Variants in ANO1 observed in about 807,000 individuals in gnomAD.
The protein encoded by ANO1 is anoctamin-1.
A neutral mutation model predicts 124.0 loss-of-function variants in ANO1; 59 were observed. That is an observed-to-expected ratio of 0.48 (90% confidence interval 0.39 to 0.59). The LOEUF (loss-of-function observed/expected upper bound fraction) is 0.59. Ranked by LOEUF, ANO1 falls within the 20% of genes least tolerant of loss-of-function variation. The pLI, the probability that ANO1 is intolerant of heterozygous loss-of-function variation, is 0.00. For missense variants in ANO1, 1,059 were observed against 1,328.0 expected (o/e 0.80, Z 3.15); for synonymous variants, 529 against 532.0 (o/e 0.99, Z 0.08).
the ANO1 span, among the ~76,000 whole-genome samples, chr11:69,978,607 T>C: frequency 6.6e-6 from 1 of 152,214 alleles, no homozygotes; most frequent in Admixed American, 6.5e-5. Flanking sequence ...TACCCTGGCC[T>C]CCCAAAGTGC....
At position 70,188,194 on chromosome 11, in the gene ANO1, C is replaced by T; in HGVS notation, c.*190C>T. Reference sequence around the variant, plus strand: ...TTCTTTCCCTTGTTTTTGCACAAAGCCATTATGCAGGGAATATTTTTTAAT... The same window carrying T: ...TTCTTTCCCTTGTTTTTGCACAAAGTCATTATGCAGGGAATATTTTTTAAT... On this transcript the variant is annotated 3_prime_UTR_variant, in exon 26 of 26. Transcript: ENST00000355303. 4.3e-6 allele frequency: 3 copies of T among 695,882 alleles called. No homozygotes were observed. Among genetic ancestry groups the T allele is most frequent in the Non-Finnish European group, 7.0e-6 (3 of 426,534 alleles). The allele number at this position is 695,882 out of a possible 1,614,324, so 43.1% of individuals were successfully genotyped here. A position where few individuals can be genotyped will look rare whatever the true frequency, so the allele number is the denominator to read the frequency against.
At chr11:69,969,037 C>T in the ANO1 span, among the ~76,000 whole-genome samples, 2 of 152,176 alleles carry the variant, frequency 1.3e-5, no homozygotes, top group Non-Finnish European at 2.9e-5. Context: ...AGATATGTGG[C>T]AGTCAGTCAC....
intron 1 of ANO1, among the ~76,000 whole-genome samples, chr11:70,036,768 C>G (rs550972289): frequency 1.3e-5 from 2 of 152,126 alleles, no homozygotes; most frequent in Middle Eastern, 3.2e-3. Flanking sequence ...CCACCACACC[C>G]GGCTAATTTT....
intron 1 of ANO1, among the ~76,000 whole-genome samples, chr11:70,060,744 T>C (rs957342624): frequency 1.3e-5 from 2 of 152,124 alleles, no homozygotes; most frequent in Non-Finnish European, 2.9e-5. Context: ...AGCCTAGAAC[T>C]GTGAGGTCAA....
chr11:70,149,458 C>G, intron 11 of ANO1: 1 of 437,846 alleles, frequency 2.3e-6, no homozygotes, highest in Non-Finnish European at 4.2e-6. Context: ...CGAGACCAGC[C>G]TGGCCAACAT....
intron 1 of ANO1, among the ~76,000 whole-genome samples, chr11:70,019,003 G>A (rs945322831): frequency 1.3e-5 from 2 of 152,246 alleles, no homozygotes; most frequent in East Asian, 1.9e-4. Flanking sequence ...CAATAAGTAC[G>A]CAAAGTCCAT....
chr11:70,116,592 G>C, intron 8 of ANO1, 93 bp downstream of exon 8: 1 of 1,235,018 alleles, frequency 8.1e-7, no homozygotes, highest in Non-Finnish European at 1.2e-6. Context: ...AGGACTTACC[G>C]GCCTCCAGGG....
chr11:69,966,179 C>T, the ANO1 span, among the ~76,000 whole-genome samples: 5 of 152,190 alleles, frequency 3.3e-5, no homozygotes, highest in Middle Eastern at 3.2e-3. Context: ...TGAAACAGGG[C>T]CACCTGCAAC....
chr11:70,095,707 G>A (rs2044923452), intron 2 of ANO1, among the ~76,000 whole-genome samples: 3 of 152,204 alleles, frequency 2.0e-5, no homozygotes, highest in South Asian at 4.1e-4. Flanking sequence ...CATGGGAATT[G>A]GCAGATGCTG....
intron 1 of ANO1, among the ~76,000 whole-genome samples, chr11:70,009,297 C>CT (rs1856548576): frequency 6.6e-6 from 1 of 152,150 alleles, no homozygotes; most frequent in Admixed American, 6.5e-5. Flanking sequence ...TCAAGCATCT[C>CT]TTTCTCGGGG....
intron 1 of ANO1, among the ~76,000 whole-genome samples, chr11:70,033,584 C>T (rs1025601910): frequency 1.3e-5 from 2 of 152,202 alleles, no homozygotes; most frequent in Non-Finnish European, 2.9e-5. Flanking sequence ...TTATGGTTAG[C>T]ACATGCCTGG....
At chr11:70,101,831 A>G (rs1284045037) in intron 2 of ANO1, among the ~76,000 whole-genome samples, 3 of 151,900 alleles carry the variant, frequency 2.0e-5, no homozygotes, top group Non-Finnish European at 4.4e-5. Context: ...TAAGGCTCAG[A>G]ATTGTGGAAA....
At chr11:70,163,384 C>G (rs771056081) in intron 19 of ANO1, 44 bp downstream of exon 19, 2 of 1,605,938 alleles carry the variant, frequency 1.2e-6, no homozygotes, top group African/African-American at 1.3e-5. Context: ...TTCTGTCTTG[C>G]TTACGATTTG....
intron 22 of ANO1, among the ~76,000 whole-genome samples, chr11:70,177,697 T>G (rs1297785121): frequency 6.9e-6 from 1 of 145,434 alleles, no homozygotes; most frequent in African/African-American, 2.6e-5. Context: ...CCCCCCGGGT[T>G]CAAGCGATTC....
intron 1 of ANO1, among the ~76,000 whole-genome samples, chr11:70,024,479 G>C (rs1436612481): frequency 6.6e-6 from 1 of 152,172 alleles, no homozygotes. Flanking sequence ...TCTCAACGGA[G>C]CTTCAGACAG....
chr11:69,988,122 C>A (rs1316057587), intron 1 of ANO1, among the ~76,000 whole-genome samples: 1 of 152,218 alleles, frequency 6.6e-6, no homozygotes, highest in Non-Finnish European at 1.5e-5. Context: ...CTCACAGCAC[C>A]ACGCCACTTT....
intron 1 of ANO1, among the ~76,000 whole-genome samples, chr11:70,030,496 G>A (rs782721300): frequency 6.6e-6 from 1 of 152,162 alleles, no homozygotes; most frequent in Non-Finnish European, 1.5e-5. Flanking sequence ...ATCTTAGGGG[G>A]TAAAACCAAG....
chr11:70,003,720 C>G (rs782077229), intron 1 of ANO1, among the ~76,000 whole-genome samples: 1 of 152,036 alleles, frequency 6.6e-6, no homozygotes, highest in Non-Finnish European at 1.5e-5. Flanking sequence ...GTAAATAAAA[C>G]AGATGTTTAC....
chr11:69,982,489 G>T (rs1490510214), upstream of ANO1, among the ~76,000 whole-genome samples: 1 of 152,180 alleles, frequency 6.6e-6, no homozygotes, highest in Non-Finnish European at 1.5e-5. Flanking sequence ...GTTCTACCAT[G>T]TTTCCCTGTC....
Sources: gnomAD v4.1 joint callset for allele counts (sites outside exome capture counted in the v4.1 genomes callset) on GRCh38, gnomAD v4.1.1 for gene constraint, MANE v1.5 for transcripts, NCBI Gene and HGNC (gene_info 2026-07-23, HGNC 2026-07-21) for gene names.